HTT-AS: variants seen among roughly 807,000 people sequenced by gnomAD.
The protein encoded by HTT-AS is HTT antisense RNA (head to head).
chr4:3,065,415 T>C (rs983395890), intron 1 of HTT-AS, among the ~76,000 whole-genome samples: 2 of 152,012 alleles, frequency 1.3e-5, no homozygotes, highest in South Asian at 2.1e-4. Context: ...TAATTTTTTT[T>C]TGTATTTTAG....
chr4:3,047,176 T>C (rs972847962), downstream of HTT-AS, among the ~76,000 whole-genome samples: 43 of 152,144 alleles, frequency 2.8e-4, no homozygotes, highest in Admixed American at 1.5e-3. Flanking sequence ...CCGGGCGTGG[T>C]GGCGTGCACC....
Position 3,061,937 on chromosome 4 carries a change from A to G in HTT-AS, n.1380+497T>C, listed in dbSNP as rs193015711. On this transcript the variant is annotated intron_variant and non_coding_transcript_variant, in intron 2 of 2. Coordinates refer to ENST00000664062, the Ensembl canonical transcript of HTT-AS. ...GCGGAGCTTGCAGTGAGCCGAGATCACACCACTGCACTCCAGCCCGGACGA... is the reference window on the plus strand; with the variant it reads ...GCGGAGCTTGCAGTGAGCCGAGATCGCACCACTGCACTCCAGCCCGGACGA... Among the ~76,000 whole-genome samples the G allele has an allele frequency of 1.8e-3, 266 of 146,988 alleles. 3 individuals carry two copies. The highest frequency in any genetic ancestry group is 5.8e-3 in the African/African-American group (231 of 39,590).
intron 2 of HTT-AS, among the ~76,000 whole-genome samples, chr4:3,056,557 T>C (rs1411413623): frequency 6.6e-6 from 1 of 152,126 alleles, no homozygotes; most frequent in African/African-American, 2.4e-5. Context: ...AAGTACAGAG[T>C]CCTTCTCAGG....
intron 1 of HTT-AS, among the ~76,000 whole-genome samples, chr4:3,073,692 C>A (rs967038657): frequency 6.6e-6 from 1 of 152,216 alleles, no homozygotes; most frequent in Non-Finnish European, 1.5e-5. Flanking sequence ...CTGTGGACAC[C>A]GCCCTGCAGG....
At chr4:3,067,593 C>T (rs1712079041) in intron 1 of HTT-AS, among the ~76,000 whole-genome samples, 1 of 152,156 alleles carries the variant, frequency 6.6e-6, no homozygotes. Flanking sequence ...GATCTGGCTT[C>T]TTGTCATTCT....
intron 2 of HTT-AS, among the ~76,000 whole-genome samples, chr4:3,057,911 C>G (rs1167923921): frequency 6.6e-6 from 1 of 152,030 alleles, no homozygotes; most frequent in African/African-American, 2.4e-5. Flanking sequence ...GCGTGAGCCA[C>G]CACGCCCTGC....
At chr4:3,066,953 G>C (rs1200667506) in intron 1 of HTT-AS, among the ~76,000 whole-genome samples, 1 of 152,146 alleles carries the variant, frequency 6.6e-6, no homozygotes, top group Admixed American at 6.6e-5. Flanking sequence ...ATGAAATACA[G>C]ACACTTAAAC....
At chr4:3,063,320 G>C (rs1711980151) in exon 2 of HTT-AS, among the ~76,000 whole-genome samples, 1 of 152,218 alleles carries the variant, frequency 6.6e-6, no homozygotes. Context: ...AGTACACCTT[G>C]CATGTTAAAA....
At position 3,049,977 on chromosome 4, in the gene HTT-AS, T is replaced by TCTCC. The variant is rs1165004320; in HGVS notation, n.1381-280_1381-279insGGAG. Among the ~76,000 whole-genome samples, 18 of 22,524 alleles carry TCTCC rather than the reference T, an allele frequency of 8.0e-4. No individual in the cohort carries two copies. In the East Asian group the frequency reaches 0.013, roughly 17 times the overall value. 14.8% of individuals were successfully genotyped at this position (22,524 alleles called of 152,430 possible). A position where few individuals can be genotyped will look rare whatever the true frequency, so the allele number is the denominator to read the frequency against. ...ACACTTTTTTTTTTTTGAGATGGAA[T>TCTCC]CTCTGTCACCCAGGCTGGAGTGCAG... On this transcript the variant is annotated intron_variant and non_coding_transcript_variant, in intron 2 of 2. Coordinates refer to ENST00000664062, the Ensembl canonical transcript of HTT-AS.
At chr4:3,064,942 CA>C (rs1712014903) in intron 1 of HTT-AS, among the ~76,000 whole-genome samples, 1 of 152,126 alleles carries the variant, frequency 6.6e-6, no homozygotes, top group Non-Finnish European at 1.5e-5. Context: ...CACATCATAA[CA>C]TAGTGGGGTT....
chr4:3,056,859 A>T (rs377727850), intron 2 of HTT-AS, among the ~76,000 whole-genome samples: 39 of 152,284 alleles, frequency 2.6e-4, no homozygotes, highest in East Asian at 2.1e-3. Context: ...TCATTCAATC[A>T]GTTTGCACAG....
chr4:3,064,410 A>G (rs1712004549), intron 1 of HTT-AS, among the ~76,000 whole-genome samples: 1 of 152,184 alleles, frequency 6.6e-6, no homozygotes, highest in Admixed American at 6.6e-5. Flanking sequence ...CATTGTTCTT[A>G]AAAGAATCAA....
chr4:3,063,852 A>T (rs1253283357), intron 1 of HTT-AS, among the ~76,000 whole-genome samples: 1 of 152,078 alleles, frequency 6.6e-6, no homozygotes, highest in African/African-American at 2.4e-5. Context: ...AGATGATTTT[A>T]TGGAGGGGAT....
In HTT-AS at chr4:3,066,884, G is replaced by A. The variant is rs527989601; in HGVS notation, n.114-3184C>T. 2.6e-5 allele frequency among the ~76,000 whole-genome samples: 4 copies of A among 152,248 alleles called. No individual in the cohort carries two copies. In the East Asian group the frequency reaches 7.7e-4, roughly 29 times the overall value. The stretch of plus-strand genomic sequence containing the variant: ...TGGATGGGAATTAGCAGAAACTTCA[G>A]GCATGAGAAACATACCCTCAGAGGC... On this transcript the variant is annotated intron_variant and non_coding_transcript_variant, in intron 1 of 2. Coordinates refer to ENST00000664062, the Ensembl canonical transcript of HTT-AS.
At chr4:3,053,451 T>C (rs931534040) in intron 2 of HTT-AS, among the ~76,000 whole-genome samples, 2 of 152,168 alleles carry the variant, frequency 1.3e-5, no homozygotes, top group African/African-American at 4.8e-5. Context: ...GAGAATCACT[T>C]GAACTCAGGA....
chr4:3,074,264 C>T (rs1436202164), intron 1 of HTT-AS, among the ~76,000 whole-genome samples: 52 of 126,778 alleles, frequency 4.1e-4, no homozygotes, highest in Non-Finnish European at 2.6e-4. Flanking sequence ...CTCAGGCGGC[C>T]TCCCTGCTGT....
intron 1 of HTT-AS, among the ~76,000 whole-genome samples, chr4:3,065,390 A>T (rs1432817551): frequency 6.6e-6 from 1 of 151,568 alleles, no homozygotes; most frequent in African/African-American, 2.4e-5. Context: ...ACAGGCGCGC[A>T]CCACCATGCC....
chr4:3,067,649 A>G (rs1712080333), intron 1 of HTT-AS, among the ~76,000 whole-genome samples: 1 of 152,164 alleles, frequency 6.6e-6, no homozygotes. Flanking sequence ...CACCTAGCCA[A>G]TCGCATAGCA....
intron 1 of HTT-AS, among the ~76,000 whole-genome samples, chr4:3,072,322 C>G (rs1712192748): frequency 6.6e-6 from 1 of 152,262 alleles, no homozygotes; most frequent in African/African-American, 2.4e-5. Flanking sequence ...GTGGGCCTCT[C>G]CAACATGGCA....
Sources: allele counts gnomAD v4.1 joint callset (sites outside exome capture counted in the v4.1 genomes callset), GRCh38; gene constraint gnomAD v4.1.1; transcripts MANE v1.5; gene names NCBI Gene and HGNC (gene_info 2026-07-23, HGNC 2026-07-21).